The following KLHL42 variants were observed in gnomAD, a reference collection of about 807,000 sequenced individuals.
KLHL42 encodes kelch like family member 42, also known as kelch-like protein 42.
KLHL42 carries 27 observed loss-of-function variants against 32.7 expected under a neutral mutation model. The observed-to-expected ratio is 0.83, with a 90% CI of 0.61 to 1.14. KLHL42 has a LOEUF of 1.14. KLHL42 is among the 50% of genes most tolerant of loss of function. KLHL42 has a pLI of 0.00. For missense variants in KLHL42, 491 were observed against 560.8 expected, an observed-to-expected ratio of 0.88 and a Z score of 1.26; for synonymous variants, 267 against 248.2, an observed-to-expected ratio of 1.08 and a Z score of -0.71.
intron 2 of KLHL42, chr12:27,797,419 G>A (rs538941802): frequency 2.8e-4 from 146 of 522,764 alleles, no homozygotes; most frequent in Non-Finnish European, 5.5e-5. Flanking sequence ...TGGTTCAAAG[G>A]TGTGGGGATA....
rs191655647 is a variant in KLHL42, at chr12:27,794,627, A to G, written c.1066+2726A>G. On this transcript the variant is annotated intron_variant, in intron 2 of 2. Transcript: ENST00000381271. ...CACCTCTGCCTCCCAAAGTGCTGGG[A>G]TTACAGGCATGAGCCACTGTGCCTG... 2.0e-5 allele frequency among the ~76,000 whole-genome samples: 3 copies of G among 152,188 alleles called. No individual in the cohort carries two copies. In the East Asian group the frequency reaches 5.8e-4, roughly 29 times the overall value.
intron 1 of KLHL42, 34 bp from the exon 2 acceptor site, chr12:27,791,674 A>T (rs2062197476): frequency 6.4e-7 from 1 of 1,554,436 alleles, no homozygotes; most frequent in Non-Finnish European, 8.9e-7. Context: ...GATCAGAAGA[A>T]CTAACTCTGT....
At chr12:27,787,590 G>T (rs2042587) in intron 1 of KLHL42, 63,586 of 151,840 alleles carry the variant, frequency 0.42, 15,385 homozygotes, top group Non-Finnish European at 0.54. Context: ...TGCAGCAGTT[G>T]GTTCATTAAG....
Position 27,800,145 on chromosome 12 carries a change from C to T in KLHL42, c.*1979C>T. ...AGAAGATGAGTCAGTTGAATTAGTACTGGACAAACAGTTGGAGATTAGTTT... is the reference window on the plus strand; with the variant it reads ...AGAAGATGAGTCAGTTGAATTAGTATTGGACAAACAGTTGGAGATTAGTTT... On this transcript the variant is annotated 3_prime_UTR_variant, in exon 3 of 3. Coordinates refer to ENST00000381271, the MANE Select transcript of KLHL42 (RefSeq NM_020782.2). The T allele has an allele frequency of 2.0e-6, 2 of 985,186 alleles. No homozygotes were observed. The highest frequency in any genetic ancestry group is 2.4e-6 in the Non-Finnish European group (2 of 829,742). 61.0% of individuals were successfully genotyped at this position (985,186 alleles called of 1,614,324 possible).
chr12:27,796,607 C>T (rs555117037), intron 2 of KLHL42, among the ~76,000 whole-genome samples: 12 of 151,536 alleles, frequency 7.9e-5, no homozygotes, highest in Admixed American at 7.2e-4. Context: ...CAAAAAGAGA[C>T]GAGGCCATAT....
At position 27,780,991 on chromosome 12, in the gene KLHL42, A is replaced by G. The variant is rs1280045366; in HGVS notation, c.661A>G (p.Arg221Gly). 1 of 1,602,834 alleles carries G rather than the reference A, an allele frequency of 6.2e-7. No homozygotes were observed. The highest frequency in any genetic ancestry group is 8.5e-7 in the Non-Finnish European group (1 of 1,172,316). ...PYQGEPPSML[R>G]YEEMTERWFP... The stretch of plus-strand genomic sequence containing the variant: ...CCAGGGGGAGCCCCCGTCCATGCTC[A>G]GGTACGAGGAGATGACTGAGCGTTG... Residue 221 changes from arginine to glycine, a missense_variant, in exon 1 of 3, where the codon AGG becomes GGG. By Grantham distance (125) the Arg-to-Gly change is moderately radical. Coordinates refer to ENST00000381271, the MANE Select transcript of KLHL42 (RefSeq NM_020782.2). The surrounding 1 kb of genome is among the most constrained non-coding windows in gnomAD (Gnocchi z 8.8).
chr12:27,784,134 T>G (rs1381857573), intron 1 of KLHL42, among the ~76,000 whole-genome samples: 1 of 129,004 alleles, frequency 7.8e-6, no homozygotes, highest in Admixed American at 8.3e-5. Context: ...TTTTTTTTTG[T>G]TTTTGTTTTT....
At chr12:27,784,538 C>A (rs61915423) in intron 1 of KLHL42, among the ~76,000 whole-genome samples, 2 of 151,986 alleles carry the variant, frequency 1.3e-5, no homozygotes, top group African/African-American at 4.8e-5. Context: ...CACTTGAGCC[C>A]AGGAACTGAA....
Position 27,781,113 on chromosome 12 carries a change from C to G in KLHL42, c.783C>G (p.Tyr261Ter), listed in dbSNP as rs772419743. 6.2e-7 allele frequency: 1 copy of G among 1,614,164 alleles called. No homozygotes were observed. The highest frequency in any genetic ancestry group is 8.5e-7 in the Non-Finnish European group (1 of 1,180,028). ...LDNYLFIVGG[Y>*]RITSQEISAA... ...ACTACCTCTTCATAGTGGGCGGGTACAGGATCACTAGCCAGGAGATCTCCG... is the reference window on the plus strand; with the variant it reads ...ACTACCTCTTCATAGTGGGCGGGTAGAGGATCACTAGCCAGGAGATCTCCG... Residue 261 changes from tyrosine to a stop codon, truncating the protein, a stop_gained, in exon 1 of 3, where the codon TAC becomes TAG. Transcript: ENST00000381271. LOFTEE classifies it high-confidence loss of function.
chr12:27,797,136 A>C (rs1297865893), intron 2 of KLHL42: 2 of 414,164 alleles, frequency 4.8e-6, no homozygotes, highest in Admixed American at 6.2e-5. Flanking sequence ...AAAAAAAACA[A>C]AAAAAAAACT....
chr12:27,781,011 GCGTTGGTTC>G lies in KLHL42; in HGVS notation c.683_691del (p.Arg228_Phe230del). 6.2e-7 allele frequency: 1 copy of G among 1,610,900 alleles called. No individual in the cohort carries two copies. The highest frequency in any genetic ancestry group is 8.5e-7 in the Non-Finnish European group (1 of 1,178,032). On this transcript the variant is annotated inframe_deletion, in exon 1 of 3. Transcript: ENST00000381271. ...TGCTCAGGTACGAGGAGATGACTGAGCGTTGGTTCCCGCTGGCCAACAACCTTCCTCCCG... is the reference window on the plus strand; with the variant it reads ...TGCTCAGGTACGAGGAGATGACTGAGCCGCTGGCCAACAACCTTCCTCCCG...
At chr12:27,782,040 C>G (rs1473260409) in intron 1 of KLHL42, among the ~76,000 whole-genome samples, 1 of 152,248 alleles carries the variant, frequency 6.6e-6, no homozygotes, top group East Asian at 1.9e-4. Context: ...GAGGCCTCAG[C>G]GTCATTCAGA....
rs1362945112 is a variant in KLHL42 at position 27,798,761 on chromosome 12, TC to T, written c.*599del. 6.6e-6 allele frequency: 1 copy of T among 152,062 alleles called. No homozygotes were observed. Among genetic ancestry groups the T allele is most frequent in the Admixed American group, 6.6e-5 (1 of 15,202 alleles). 9.4% of individuals were successfully genotyped at this position (152,062 alleles called of 1,614,324 possible). A position where few individuals can be genotyped will look rare whatever the true frequency, so the allele number is the denominator to read the frequency against. On this transcript the variant is annotated 3_prime_UTR_variant, in exon 3 of 3. Coordinates refer to ENST00000381271, the MANE Select transcript of KLHL42 (RefSeq NM_020782.2). ...GTGAATCCTTACCAGTGTTCAGTCC[TC>T]CCCAAAACTTGCATAAAAATATTCT...
Position 27,799,853 on chromosome 12 carries a change from T to C in KLHL42, c.*1687T>C, listed in dbSNP as rs2062236625. 3.0e-6 allele frequency: 1 copy of C among 331,588 alleles called. No homozygotes were observed. Among genetic ancestry groups the C allele is most frequent in the Admixed American group, 6.5e-5 (1 of 15,456 alleles). 20.5% of individuals were successfully genotyped at this position (331,588 alleles called of 1,614,324 possible). On this transcript the variant is annotated 3_prime_UTR_variant, in exon 3 of 3. Coordinates refer to ENST00000381271, the MANE Select transcript of KLHL42 (RefSeq NM_020782.2). ...TCTTGTCACCAAATAATCTTACCTC[T>C]AGTCTACTTACAACTTTGTAAGGGT... is the stretch of plus-strand genomic sequence containing the variant.
chr12:27,797,175 G>A (rs1284838911), intron 2 of KLHL42: 7 of 449,538 alleles, frequency 1.6e-5, no homozygotes, highest in Non-Finnish European at 3.1e-5. Flanking sequence ...TGGTTCTGTG[G>A]CTTGTTAGAA....
At chr12:27,795,151 A>G (rs1157823823) in intron 2 of KLHL42, among the ~76,000 whole-genome samples, 1 of 152,170 alleles carries the variant, frequency 6.6e-6, no homozygotes, top group Non-Finnish European at 1.5e-5. Context: ...ATTCCTCTCT[A>G]GGTTGAGTAA....
chr12:27,781,212 C>T lies in KLHL42; in HGVS notation c.872+10C>T. 1 of 1,612,700 alleles carries T rather than the reference C, an allele frequency of 6.2e-7. No individual in the cohort carries two copies. The highest frequency in any genetic ancestry group is 8.5e-7 in the Non-Finnish European group (1 of 1,179,874). On this transcript the variant is annotated intron_variant, in intron 1 of 2. Coordinates refer to ENST00000381271, the MANE Select transcript of KLHL42 (RefSeq NM_020782.2). The stretch of plus-strand genomic sequence containing the variant: ...CCATGAACCAGAAGAGGTAAGCACC[C>T]CGGCAGAGTGCTGCTGCCTTCTCAT...
chr12:27,796,724 C>T (rs1257733376), intron 2 of KLHL42, among the ~76,000 whole-genome samples: 2 of 152,040 alleles, frequency 1.3e-5, no homozygotes, highest in Non-Finnish European at 2.9e-5. Context: ...CCTCACCCTA[C>T]CATGCTAAAG....
At chr12:27,784,215 A>G (rs1272209936) in intron 1 of KLHL42, among the ~76,000 whole-genome samples, 2 of 149,942 alleles carry the variant, frequency 1.3e-5, no homozygotes, top group African/African-American at 2.5e-5. Flanking sequence ...GCTCACTGCA[A>G]GCTCCGCCTC....
Sources: allele counts gnomAD v4.1 joint callset (sites outside exome capture counted in the v4.1 genomes callset), GRCh38; gene constraint gnomAD v4.1.1; non-coding constraint Gnocchi (gnomAD v3.1); transcripts MANE v1.5; gene names NCBI Gene and HGNC (gene_info 2026-07-23, HGNC 2026-07-21).